Variants in GLIPR1 observed in about 807,000 individuals in gnomAD.
GLIPR1 encodes the protein glioma pathogenesis-related protein 1.
In GLIPR1, 38 loss-of-function variants were observed where a neutral mutation model predicts 30.3. The observed-to-expected ratio is 1.26, with a 90% CI of 0.97 to 1.65. The LOEUF is 1.65. GLIPR1 is among the 40% of genes most tolerant of loss of function. GLIPR1 has a pLI of 0.00. For synonymous variants in GLIPR1, 122 were observed against 110.6 expected, an observed-to-expected ratio of 1.10 and a Z score of -0.65; for missense variants, 285 against 326.5, an observed-to-expected ratio of 0.87 and a Z score of 0.98.
In GLIPR1 at chr12:75,500,829, A is replaced by T. The variant is rs1258992800; in HGVS notation, c.*1851A>T. ...AAGCCTCCACCGTGTGGAGAAACTA[A>T]ATTAGGGTAACTAGCTATTGAGTAT... is the stretch of plus-strand genomic sequence containing the variant. On this transcript the variant is annotated 3_prime_UTR_variant, in exon 6 of 6. Transcript: ENST00000266659. The T allele has an allele frequency of 6.6e-6, 1 of 152,026 alleles. No individual in the cohort carries two copies. Among genetic ancestry groups the T allele is most frequent in the Non-Finnish European group, 1.5e-5 (1 of 67,964 alleles). The allele number at this position is 152,026 out of a possible 1,614,324, so 9.4% of individuals were successfully genotyped here. A position where few individuals can be genotyped will look rare whatever the true frequency, so the allele number is the denominator to read the frequency against.
chr12:75,497,128 T>A (rs2046356290), intron 4 of GLIPR1: 1 of 152,194 alleles, frequency 6.6e-6, no homozygotes, highest in African/African-American at 2.4e-5. Context: ...TGGTGCAATT[T>A]CCAGTTTGAC....
intron 2 of GLIPR1, among the ~76,000 whole-genome samples, chr12:75,489,070 C>G (rs2046307669): frequency 6.6e-6 from 1 of 152,166 alleles, no homozygotes; most frequent in Admixed American, 6.5e-5. Flanking sequence ...TTTAAATACT[C>G]TCTTCTTTAG....
chr12:75,492,918 A>C (rs2046331248), intron 3 of GLIPR1: 1 of 152,202 alleles, frequency 6.6e-6, no homozygotes, highest in African/African-American at 2.4e-5. Flanking sequence ...TGTTTAGAAT[A>C]ATCAGGGAAG....
At chr12:75,497,169 A>G (rs931595918) in intron 4 of GLIPR1, 2 of 152,040 alleles carry the variant, frequency 1.3e-5, no homozygotes, top group Non-Finnish European at 2.9e-5. Context: ...TTCTGCTTCT[A>G]TTTTTTTCAA....
In GLIPR1 at chr12:75,490,586, A is replaced by C. The variant is rs1209808752; in HGVS notation, c.533+68A>C. The C allele has an allele frequency of 2.3e-5, 14 of 600,210 alleles. 5 individuals carry two copies. The East Asian group carries it at 2.4e-4, about 10-fold the overall frequency. 37.2% of individuals were successfully genotyped at this position (600,210 alleles called of 1,614,324 possible). ...CCCCCGCAAAAAAAAACAACAACAA[A>C]AAAAAACATTTTAGCAGTATTCCTC... On this transcript the variant is annotated intron_variant, in intron 3 of 5. Coordinates refer to ENST00000266659, the MANE Select transcript of GLIPR1 (RefSeq NM_006851.3).
rs1230433063 is a variant in GLIPR1 at position 75,495,608 on chromosome 12, G to T, written c.565G>T (p.Gly189Ter). Residue 189 changes from glycine to a stop codon, truncating the protein, a stop_gained, in exon 4 of 6, where the codon GGA (glycine) becomes TGA (stop). Coordinates refer to ENST00000266659, the MANE Select transcript of GLIPR1 (RefSeq NM_006851.3). LOFTEE classifies it high-confidence loss of function. ...TTACCCAACTTGGCCATATAAGAGA[G>T]GAGCCACCTGCAGTGCCTGCCCCAA... Reference protein sequence around the residue: ...GNYPTWPYKRGATCSACPNND... With the variant: ...GNYPTWPYKR 8 of 1,610,660 alleles carry T rather than the reference G, an allele frequency of 5.0e-6. No individual in the cohort carries two copies. In the Admixed American group the frequency reaches 1.0e-4, roughly 20 times the overall value.
chr12:75,496,766 G>A (rs1483374964), intron 4 of GLIPR1: 1 of 152,172 alleles, frequency 6.6e-6, no homozygotes, highest in East Asian at 1.9e-4. Context: ...CATTGCTCAT[G>A]TTTTATAAGG....
At position 75,502,296 on chromosome 12, in the gene GLIPR1, T is replaced by C. The variant is rs116960901; in HGVS notation, c.*3318T>C. 1,315 of 251,182 alleles carry C rather than the reference T, an allele frequency of 5.2e-3. 10 individuals are homozygous for C. The highest frequency in any genetic ancestry group is 0.014 in the Admixed American group (267 of 19,610). 15.6% of individuals were successfully genotyped at this position (251,182 alleles called of 1,614,324 possible). On this transcript the variant is annotated 3_prime_UTR_variant, in exon 6 of 6. Coordinates refer to ENST00000266659, the MANE Select transcript of GLIPR1 (RefSeq NM_006851.3). ...CTGGAGAGAGAGTTTTGGGGAAAAT[T>C]TGAAGAAGCTTCAATGGCAGACAAA...
At position 75,500,072 on chromosome 12, in the gene GLIPR1, G is replaced by A; in HGVS notation, c.*1094G>A. On this transcript the variant is annotated 3_prime_UTR_variant, in exon 6 of 6. Transcript: ENST00000266659. The stretch of plus-strand genomic sequence containing the variant: ...TTAACTTCAGAGTATTCTTATAATT[G>A]AATAATTGAAAGGTGATCACAGTAT... The A allele has an allele frequency of 2.8e-6, 2 of 703,396 alleles. No individual in the cohort carries two copies. The highest frequency in any genetic ancestry group is 4.2e-4 in the Middle Eastern group (1 of 2,392). The allele number at this position is 703,396 out of a possible 1,614,324, so 43.6% of individuals were successfully genotyped here. A position where few individuals can be genotyped will look rare whatever the true frequency, so the allele number is the denominator to read the frequency against.
At chr12:75,486,752 T>C (rs1398248950) in intron 2 of GLIPR1, among the ~76,000 whole-genome samples, 1 of 152,162 alleles carries the variant, frequency 6.6e-6, no homozygotes, top group Non-Finnish European at 1.5e-5. Context: ...ATTCCATTCA[T>C]ATAACATTCT....
chr12:75,481,750 C>A (rs1594053865), intron 1 of GLIPR1, 84 bp from the exon 2 acceptor site: 3 of 1,280,264 alleles, frequency 2.3e-6, no homozygotes, highest in East Asian at 4.6e-5. Flanking sequence ...CTTATCTCAC[C>A]TCGTTTTCCA....
intron 4 of GLIPR1, chr12:75,496,386 T>C (rs975179459): frequency 6.6e-6 from 1 of 151,974 alleles, no homozygotes; most frequent in Non-Finnish European, 1.5e-5. Context: ...AGCTGCAACA[T>C]GGCACTTTTT....
At chr12:75,489,510 A>G (rs2046310078) in intron 2 of GLIPR1, among the ~76,000 whole-genome samples, 1 of 152,110 alleles carries the variant, frequency 6.6e-6, no homozygotes, top group Admixed American at 6.5e-5. Flanking sequence ...TAGGCCTCTC[A>G]AAATCAACAT....
rs1250638024 is a variant in GLIPR1 at position 75,481,844 on chromosome 12, C to T, written c.185C>T (p.Pro62Leu). The T allele has an allele frequency of 4.3e-6, 7 of 1,613,980 alleles. No individual in the cohort carries two copies. The highest frequency in any genetic ancestry group is 5.1e-6 in the Non-Finnish European group (6 of 1,179,912). ...ASDMLYMTWD[P>L]ALAQIAKAWA... ...TGTTTATTTTTGCAGACTTGGGACCCAGCACTAGCCCAAATTGCAAAAGCA... is the reference window on the plus strand; with the variant it reads ...TGTTTATTTTTGCAGACTTGGGACCTAGCACTAGCCCAAATTGCAAAAGCA... The change falls in exon 2 of 6, where the codon CCA becomes CTA. Residue 62 changes from proline (P) to leucine (L), a missense_variant. Pro to Leu is a moderately conservative substitution (Grantham distance 98). Transcript: ENST00000266659.
At chr12:75,489,868 G>A (rs938237877) in intron 2 of GLIPR1, 1 of 152,498 alleles carries the variant, frequency 6.6e-6, no homozygotes, top group African/African-American at 2.4e-5. Context: ...CTCCCTGATC[G>A]GTTTCTCTGC....
rs1461535105 is a variant in GLIPR1, at chr12:75,500,460, TATTA to T, written c.*1486_*1489del. ...AAACGAAAATTTAAAGTTTTCCAAATATTAATTCAATATTAATTGAATATTCAAT... is the reference window on the plus strand; with the variant it reads ...AAACGAAAATTTAAAGTTTTCCAAATATTCAATATTAATTGAATATTCAAT... On this transcript the variant is annotated 3_prime_UTR_variant, in exon 6 of 6. Transcript: ENST00000266659. 6.7e-6 allele frequency: 1 copy of T among 149,292 alleles called. No homozygotes were observed. The highest frequency in any genetic ancestry group is 6.8e-5 in the Admixed American group (1 of 14,784). 9.2% of individuals were successfully genotyped at this position (149,292 alleles called of 1,614,324 possible).
Position 75,502,995 on chromosome 12 carries a change from AAG to A in GLIPR1, c.*4021_*4022del, listed in dbSNP as rs1025112325. ...AGACTCCAACCATGGTTGTGGAAAA[AAG>A]AGATGTAGAAAGCAATGAGTTCACA... On this transcript the variant is annotated 3_prime_UTR_variant, in exon 6 of 6. Coordinates refer to ENST00000266659, the MANE Select transcript of GLIPR1 (RefSeq NM_006851.3). 2.2e-4 allele frequency: 34 copies of A among 152,000 alleles called. No homozygotes were observed. Among genetic ancestry groups the A allele is most frequent in the African/African-American group, 7.7e-4 (32 of 41,410 alleles). 9.4% of individuals were successfully genotyped at this position (152,000 alleles called of 1,614,324 possible).
At chr12:75,481,080 C>A in intron 1 of GLIPR1, 26 bp downstream of exon 1, 1 of 1,567,286 alleles carries the variant, frequency 6.4e-7, no homozygotes, top group Non-Finnish European at 8.7e-7. Flanking sequence ...TTAATTGTGG[C>A]GTCAGTCAGT....
chr12:75,497,676 C>G (rs2046359545), intron 4 of GLIPR1: 1 of 152,128 alleles, frequency 6.6e-6, no homozygotes. Context: ...GATTCCTTCT[C>G]AGACAAATTA....
Sources: gnomAD v4.1 joint callset for allele counts (sites outside exome capture counted in the v4.1 genomes callset) on GRCh38, gnomAD v4.1.1 for gene constraint, MANE v1.5 for transcripts, NCBI Gene and HGNC (gene_info 2026-07-23, HGNC 2026-07-21) for gene names.